Variants in ZNF804B observed in about 807,000 individuals in gnomAD.
The protein encoded by ZNF804B is zinc finger 804B.
ZNF804B carries 80 observed loss-of-function variants against 101.4 expected under a neutral mutation model. The ratio of observed to expected loss-of-function variants is 0.79; its 90% CI spans 0.66 to 0.95. The LOEUF is 0.95. Ranked by LOEUF, ZNF804B falls within the 40% of genes least tolerant of loss-of-function variation. The pLI is 0.00. For synonymous variants in ZNF804B, 622 were observed against 558.8 expected (o/e 1.11, Z -1.59); for missense variants, 1,673 against 1,561.9 (o/e 1.07, Z -1.20).
rs191377967 is a variant in ZNF804B at position 89,266,493 on chromosome 7, T to C, written c.249+48198T>C. On this transcript the variant is annotated intron_variant, in intron 2 of 3. Coordinates refer to ENST00000333190, the MANE Select transcript of ZNF804B (RefSeq NM_181646.5). The stretch of plus-strand genomic sequence containing the variant: ...ATGATTGTTTCCAGTTTTAAAGATA[T>C]ACTTTTAATAAACTATAATATGATT... Among the ~76,000 whole-genome samples, 89 of 152,288 alleles carry C rather than the reference T, an allele frequency of 5.8e-4. No homozygotes were observed. In the East Asian group the frequency reaches 0.013, roughly 23 times the overall value.
At chr7:89,271,363 T>G (rs1584095317) in intron 2 of ZNF804B, among the ~76,000 whole-genome samples, 2 of 152,290 alleles carry the variant, frequency 1.3e-5, no homozygotes, top group African/African-American at 4.8e-5. Flanking sequence ...ATATGCTGGA[T>G]TACGTTTATT....
intron 1 of ZNF804B, among the ~76,000 whole-genome samples, chr7:88,941,058 ATAAC>A (rs962697307): frequency 1.3e-5 from 2 of 151,974 alleles, no homozygotes; most frequent in Non-Finnish European, 2.9e-5. Context: ...GCAAATTAAA[ATAAC>A]TAACAGCTAT....
rs2115599431 is a variant in ZNF804B, at chr7:88,759,744, C to T, written c.-233C>T. The T allele has an allele frequency of 3.5e-6, 2 of 564,962 alleles. No individual in the cohort carries two copies. The highest frequency in any genetic ancestry group is 2.9e-5 in the East Asian group (1 of 33,906). 35.0% of individuals were successfully genotyped at this position (564,962 alleles called of 1,614,324 possible). On this transcript the variant is annotated 5_prime_UTR_variant, in exon 1 of 4. Coordinates refer to ENST00000333190, the MANE Select transcript of ZNF804B (RefSeq NM_181646.5). ...CATGTGGACTGGCTCGCCGGGTCCC[C>T]TCCGTGCTCTGTGCTGTCGCCGCCG... is the stretch of plus-strand genomic sequence containing the variant.
intron 1 of ZNF804B, among the ~76,000 whole-genome samples, chr7:88,855,263 C>G (rs2115841582): frequency 6.6e-6 from 1 of 151,810 alleles, no homozygotes; most frequent in South Asian, 2.1e-4. Flanking sequence ...TCTCCAGCAC[C>G]TGTTGTTTCC....
chr7:89,112,696 A>G (rs1319365694), intron 1 of ZNF804B, among the ~76,000 whole-genome samples: 1 of 151,518 alleles, frequency 6.6e-6, no homozygotes, highest in East Asian at 1.9e-4. Flanking sequence ...TTAAATCTAT[A>G]GATCAAGTTG....
intron 1 of ZNF804B, among the ~76,000 whole-genome samples, chr7:88,966,938 C>T (rs913321215): frequency 5.3e-5 from 8 of 150,798 alleles, no homozygotes; most frequent in Admixed American, 1.3e-4. Context: ...AGGAGCCTGA[C>T]ACTTACAGGA....
chr7:89,284,357 T>C (rs941507911), intron 2 of ZNF804B, among the ~76,000 whole-genome samples: 2 of 152,174 alleles, frequency 1.3e-5, no homozygotes, highest in Admixed American at 6.5e-5. Flanking sequence ...TGCTGTACCT[T>C]GAGTAACCAT....
At chr7:89,043,063 A>T (rs1036712848) in intron 1 of ZNF804B, among the ~76,000 whole-genome samples, 1 of 152,192 alleles carries the variant, frequency 6.6e-6, no homozygotes, top group African/African-American at 2.4e-5. Flanking sequence ...TAAAACAAAT[A>T]TGGAAATCAA....
chr7:88,845,241 ACAG>A (rs1200213430), intron 1 of ZNF804B, among the ~76,000 whole-genome samples: 1 of 152,188 alleles, frequency 6.6e-6, no homozygotes, highest in Admixed American at 6.5e-5. Flanking sequence ...AAAGGTATAA[ACAG>A]AATAATAAAA....
In ZNF804B at chr7:89,055,124, T is replaced by G. The variant is rs553431377; in HGVS notation, c.109-163031T>G. Among the ~76,000 whole-genome samples the G allele has an allele frequency of 2.0e-5, 3 of 152,190 alleles. No homozygotes were observed. The South Asian group carries it at 6.2e-4, about 32-fold the overall frequency. On this transcript the variant is annotated intron_variant, in intron 1 of 3. Coordinates refer to ENST00000333190, the MANE Select transcript of ZNF804B (RefSeq NM_181646.5). ...ATTGACTGGCTATGGAAGACCTTCT[T>G]GAAAAGGTTAATTTTGAGGGATGAC... is the stretch of plus-strand genomic sequence containing the variant.
chr7:89,261,284 TA>T (rs1485550126), intron 2 of ZNF804B, among the ~76,000 whole-genome samples: 2 of 152,178 alleles, frequency 1.3e-5, no homozygotes, highest in Non-Finnish European at 2.9e-5. Flanking sequence ...AGACTTGTGA[TA>T]TTTTTAGTGG....
intron 1 of ZNF804B, among the ~76,000 whole-genome samples, chr7:88,871,639 G>T (rs1026524081): frequency 6.6e-6 from 1 of 152,062 alleles, no homozygotes; most frequent in Non-Finnish European, 1.5e-5. Context: ...TGCTATTGTA[G>T]CATTTTTCCA....
chr7:89,158,226 G>T lies in ZNF804B; in HGVS notation c.109-59929G>T, dbSNP rs17308505. On this transcript the variant is annotated intron_variant, in intron 1 of 3. Coordinates refer to ENST00000333190, the MANE Select transcript of ZNF804B (RefSeq NM_181646.5). ...GGTTCAAACATCTACTAAATGTTCT[G>T]AAGTTCTTCAATGAAAAAGATTTGT... 2.6e-5 allele frequency among the ~76,000 whole-genome samples: 4 copies of T among 151,998 alleles called. No individual in the cohort carries two copies. The East Asian group carries it at 5.8e-4, about 22-fold the overall frequency.
At chr7:89,151,481 C>T (rs977697796) in intron 1 of ZNF804B, among the ~76,000 whole-genome samples, 3 of 151,946 alleles carry the variant, frequency 2.0e-5, no homozygotes, top group South Asian at 2.1e-4. Context: ...TAATCATCAA[C>T]GTAGAATTGA....
intron 1 of ZNF804B, among the ~76,000 whole-genome samples, chr7:88,839,817 A>C (rs1373699952): frequency 6.6e-6 from 1 of 152,008 alleles, no homozygotes; most frequent in Non-Finnish European, 1.5e-5. Context: ...AGGCATAATA[A>C]TTTATACCTC....
chr7:88,877,749 A>G (rs1791974483), intron 1 of ZNF804B, among the ~76,000 whole-genome samples: 1 of 152,254 alleles, frequency 6.6e-6, no homozygotes, highest in Admixed American at 6.5e-5. Flanking sequence ...TATTAAATAC[A>G]TGTTTGCTGT....
intron 1 of ZNF804B, among the ~76,000 whole-genome samples, chr7:89,046,783 A>G (rs1457552397): frequency 4.6e-5 from 7 of 151,860 alleles, no homozygotes; most frequent in Admixed American, 4.6e-4. Context: ...GAGATACCCT[A>G]TTACTTATCA....
At chr7:89,047,767 G>T (rs1789132973) in intron 1 of ZNF804B, among the ~76,000 whole-genome samples, 1 of 152,050 alleles carries the variant, frequency 6.6e-6, no homozygotes, top group Non-Finnish European at 1.5e-5. Flanking sequence ...GAAGCAGAAG[G>T]CATGAACACC....
chr7:89,037,072 C>T (rs952981656), intron 1 of ZNF804B, among the ~76,000 whole-genome samples: 1 of 152,012 alleles, frequency 6.6e-6, no homozygotes, highest in Non-Finnish European at 1.5e-5. Context: ...ACGAATGAGA[C>T]AATTTTAACC....
Sources: allele counts gnomAD v4.1 joint callset (sites outside exome capture counted in the v4.1 genomes callset), GRCh38; gene constraint gnomAD v4.1.1; transcripts MANE v1.5; gene names NCBI Gene and HGNC (gene_info 2026-07-23, HGNC 2026-07-21).